SLCO3A1: variants seen among roughly 807,000 people sequenced by gnomAD.
SLCO3A1 encodes the protein solute carrier organic anion transporter family member 3A1, also known as PGE1 transporter.
SLCO3A1 carries 27 observed loss-of-function variants against 63.1 expected under a neutral mutation model. The observed-to-expected ratio is 0.43, with a 90% CI of 0.32 to 0.59. The LOEUF is 0.59. Among genes scored for constraint, SLCO3A1 ranks in the 20% least tolerant of loss-of-function variants. The pLI is 0.09. For synonymous variants in SLCO3A1, 473 were observed against 409.9 expected (o/e 1.15, Z -1.86); for missense variants, 773 against 945.8 (o/e 0.82, Z 2.40).
chr15:92,050,002 G>T (rs2046937929), intron 2 of SLCO3A1, among the ~76,000 whole-genome samples: 1 of 152,150 alleles, frequency 6.6e-6, no homozygotes, highest in African/African-American at 2.4e-5. Flanking sequence ...AATCCAGCAG[G>T]CCCCTAGATG....
chr15:92,091,056 A>G (rs1439941117), intron 2 of SLCO3A1, among the ~76,000 whole-genome samples: 1 of 152,126 alleles, frequency 6.6e-6, no homozygotes, highest in Non-Finnish European at 1.5e-5. Context: ...GGGGTTAGAA[A>G]ACCTGGGCAA....
chr15:91,957,787 C>T (rs1040292918), intron 2 of SLCO3A1, among the ~76,000 whole-genome samples: 1 of 152,174 alleles, frequency 6.6e-6, no homozygotes, highest in African/African-American at 2.4e-5. Context: ...AGTATTAATA[C>T]ATGCTTCATT....
At chr15:92,119,832 A>G (rs949135138) in intron 4 of SLCO3A1, among the ~76,000 whole-genome samples, 37 of 152,176 alleles carry the variant, frequency 2.4e-4, no homozygotes, top group African/African-American at 8.0e-4. Context: ...GAAAACCAAG[A>G]CCCCAGTTGG....
intron 2 of SLCO3A1, among the ~76,000 whole-genome samples, chr15:92,092,905 T>C (rs958753992): frequency 6.6e-6 from 1 of 152,202 alleles, no homozygotes; most frequent in African/African-American, 2.4e-5. Context: ...TTAACAGAAA[T>C]AAGATTCTAC....
rs73547362 is a variant in SLCO3A1 at position 91,858,007 on chromosome 15, A to C, written c.180+3919A>C. Among the ~76,000 whole-genome samples, 1,397 of 152,318 alleles carry C rather than the reference A, an allele frequency of 9.2e-3. 17 individuals are homozygous for C. Among genetic ancestry groups the C allele is most frequent in the African/African-American group, 0.031 (1,298 of 41,554 alleles). ...TGACATAGATGACTGAGTGTGGTTA[A>C]TGAGGCTCTATCTCACTGCTTTGTA... is the stretch of plus-strand genomic sequence containing the variant. On this transcript the variant is annotated intron_variant, in intron 1 of 9. Transcript: ENST00000318445.
chr15:91,952,762 T>C lies in SLCO3A1; in HGVS notation c.646+36304T>C, dbSNP rs575852202. On this transcript the variant is annotated intron_variant, in intron 2 of 9. Transcript: ENST00000318445. ...TAATTACTGTGCTGAGAATTACAGT[T>C]GTCACATATCGATTCTGTCTTCTCA... Among the ~76,000 whole-genome samples, 10 of 152,324 alleles carry C rather than the reference T, an allele frequency of 6.6e-5. No individual in the cohort carries two copies. In the South Asian group the frequency reaches 1.9e-3, roughly 28 times the overall value.
chr15:92,026,628 G>A (rs929264802), intron 2 of SLCO3A1, among the ~76,000 whole-genome samples: 1 of 152,162 alleles, frequency 6.6e-6, no homozygotes, highest in Admixed American at 6.5e-5. Context: ...TGAGTTCATA[G>A]GTCTGTAACC....
Position 91,854,385 on chromosome 15 carries a change from T to TCC in SLCO3A1, c.180+302_180+303dup. The TCC allele has an allele frequency of 2.8e-6, 3 of 1,055,226 alleles. No individual in the cohort carries two copies. Among genetic ancestry groups the TCC allele is most frequent in the Non-Finnish European group, 3.4e-6 (3 of 872,756 alleles). 65.4% of individuals were successfully genotyped at this position (1,055,226 alleles called of 1,614,324 possible). ...GCAGGTGGGCGTGAAACTATTCCTC[T>TCC]CCCCCCATAAGAGCGGAGCGAGACG... On this transcript the variant is annotated intron_variant, in intron 1 of 9. Coordinates refer to ENST00000318445, the MANE Select transcript of SLCO3A1 (RefSeq NM_013272.4). The surrounding 1 kb of genome is among the most constrained non-coding windows in gnomAD (Gnocchi z 6.4).
chr15:92,052,896 C>G (rs1415104355), intron 2 of SLCO3A1, among the ~76,000 whole-genome samples: 1 of 151,868 alleles, frequency 6.6e-6, no homozygotes, highest in Non-Finnish European at 1.5e-5. Context: ...TTGTTAGAAT[C>G]AATTTTACCT....
chr15:91,947,530 A>G (rs1161286434), intron 2 of SLCO3A1, among the ~76,000 whole-genome samples: 1 of 152,114 alleles, frequency 6.6e-6, no homozygotes, highest in East Asian at 1.9e-4. Flanking sequence ...AAATCCTTCT[A>G]GGTCTTGAGA....
intron 2 of SLCO3A1, among the ~76,000 whole-genome samples, chr15:91,994,024 T>C (rs2046160240): frequency 6.6e-6 from 1 of 152,228 alleles, no homozygotes; most frequent in African/African-American, 2.4e-5. Context: ...CCCTGGCTGA[T>C]GTCTTGGTTG....
chr15:91,880,389 C>CTGTGTGTGTGTG (rs1358208114), intron 1 of SLCO3A1, among the ~76,000 whole-genome samples: 205 of 103,762 alleles, frequency 2.0e-3, no homozygotes, highest in African/African-American at 0.011. Context: ...GCTTCTCTCT[C>CTGTGTGTGTGTG]TCTCTCTCTC....
intron 1 of SLCO3A1, chr15:91,889,068 A>T (rs1897802844): frequency 9.3e-6 from 8 of 857,788 alleles, no homozygotes; most frequent in Non-Finnish European, 9.1e-6. Flanking sequence ...ACTAGCTAAC[A>T]TATAGCTAAC....
chr15:92,073,215 G>T (rs541999655), intron 2 of SLCO3A1, among the ~76,000 whole-genome samples: 1 of 152,288 alleles, frequency 6.6e-6, no homozygotes, highest in South Asian at 2.1e-4. Flanking sequence ...TGTGAAAAAT[G>T]AGATATTCAG....
chr15:92,152,330 T>G (rs2048316856), intron 9 of SLCO3A1, among the ~76,000 whole-genome samples: 1 of 152,204 alleles, frequency 6.6e-6, no homozygotes, highest in African/African-American at 2.4e-5. Flanking sequence ...AAACTTTCTA[T>G]CAATCTGTGA....
chr15:91,877,429 C>T (rs1248743180), intron 1 of SLCO3A1, among the ~76,000 whole-genome samples: 3 of 152,180 alleles, frequency 2.0e-5, no homozygotes, highest in South Asian at 2.1e-4. Flanking sequence ...ACTGGGGACC[C>T]AGCATATCAA....
chr15:92,059,493 A>G (rs2047060890), intron 2 of SLCO3A1, among the ~76,000 whole-genome samples: 1 of 152,062 alleles, frequency 6.6e-6, no homozygotes, highest in African/African-American at 2.4e-5. Flanking sequence ...CACAGGACAC[A>G]TGCCTGGCCC....
At chr15:92,136,454 A>AAT (rs1289777551) in intron 7 of SLCO3A1, among the ~76,000 whole-genome samples, 2 of 152,184 alleles carry the variant, frequency 1.3e-5, no homozygotes, top group Non-Finnish European at 2.9e-5. Flanking sequence ...TTCCTTCATC[A>AAT]ATAGAAAACA....
intron 2 of SLCO3A1, among the ~76,000 whole-genome samples, chr15:92,092,890 C>G (rs22198): frequency 0.72 from 109,640 of 152,118 alleles, 39,607 homozygotes; most frequent in Admixed American, 0.81. Context: ...CTAAAATGCA[C>G]CTTATTAACA....
Sources: allele counts gnomAD v4.1 joint callset (sites outside exome capture counted in the v4.1 genomes callset), GRCh38; gene constraint gnomAD v4.1.1; non-coding constraint Gnocchi (gnomAD v3.1); transcripts MANE v1.5; gene names NCBI Gene and HGNC (gene_info 2026-07-23, HGNC 2026-07-21).